SPATA6: variants seen among roughly 807,000 people sequenced by gnomAD.
SPATA6 encodes spermatogenesis associated 6.
Under a neutral mutation model 65.3 loss-of-function variants are expected in SPATA6, and 56 were observed. That is an observed-to-expected ratio of 0.86 (90% CI 0.69 to 1.07). SPATA6 has a LOEUF of 1.07. Ranked by LOEUF, SPATA6 falls within the 50% of genes least tolerant of loss-of-function variation. The pLI is 0.00. For missense variants in SPATA6, 590 were observed against 594.8 expected (o/e 0.99, Z 0.08); for synonymous variants, 199 against 213.2 (o/e 0.93, Z 0.58).
At chr1:48,429,905 G>A (rs911138540) in intron 3 of SPATA6, among the ~76,000 whole-genome samples, 22 of 152,064 alleles carry the variant, frequency 1.4e-4, no homozygotes, top group African/African-American at 5.1e-4. Flanking sequence ...ATGAATCAGT[G>A]AACTTGAAGA....
rs374605487 is a variant in SPATA6, at chr1:48,297,158, GTGTGTA to G, written c.*1549_*1554del. 2.4e-3 allele frequency: 342 copies of G among 145,404 alleles called. No individual in the cohort carries two copies. Among genetic ancestry groups the G allele is most frequent in the South Asian group, 0.018 (79 of 4,364 alleles). 9.0% of individuals were successfully genotyped at this position (145,404 alleles called of 1,614,324 possible). A position where few individuals can be genotyped will look rare whatever the true frequency, so the allele number is the denominator to read the frequency against. On this transcript the variant is annotated 3_prime_UTR_variant, in exon 13 of 13. Transcript: ENST00000371847. ...TGTGTGTGTGTGTGTGTGTGTGTGT[GTGTGTA>G]TGTGTGTAGCAAACAGATTTTCCTA...
At chr1:48,444,985 T>C (rs926570557) in intron 3 of SPATA6, among the ~76,000 whole-genome samples, 4 of 152,232 alleles carry the variant, frequency 2.6e-5, no homozygotes, top group African/African-American at 9.6e-5. Context: ...TTTAATAACA[T>C]TTTTAATTAA....
At chr1:48,470,072 AC>A (rs1335330799) in intron 1 of SPATA6, among the ~76,000 whole-genome samples, 1 of 152,204 alleles carries the variant, frequency 6.6e-6, no homozygotes, top group African/African-American at 2.4e-5. Context: ...TATTATTTCC[AC>A]CATCATAGTT....
intron 3 of SPATA6, among the ~76,000 whole-genome samples, chr1:48,451,230 T>C (rs1363126044): frequency 1.3e-5 from 2 of 152,124 alleles, no homozygotes; most frequent in African/African-American, 4.8e-5. Context: ...CAGGGGAAAA[T>C]CTCAACTAAC....
intron 12 of SPATA6, among the ~76,000 whole-genome samples, chr1:48,299,761 A>G (rs528859842): frequency 1.1e-3 from 170 of 152,198 alleles, no homozygotes; most frequent in African/African-American, 4.1e-3. Flanking sequence ...CAACACATAG[A>G]AGTTGGTAGA....
chr1:48,390,461 A>G (rs1179064262), intron 8 of SPATA6, among the ~76,000 whole-genome samples: 1 of 152,252 alleles, frequency 6.6e-6, no homozygotes, highest in East Asian at 1.9e-4. Context: ...AGGTACAAAC[A>G]TAAGATTAGA....
At chr1:48,291,016 C>T (rs566188445), downstream of SPATA6, among the ~76,000 whole-genome samples, 46 of 152,184 alleles carry the variant, frequency 3.0e-4, no homozygotes, top group Non-Finnish European at 4.6e-4. Context: ...ATCTACAGAA[C>T]TCTCCACCCC....
chr1:48,287,321 A>G, the SPATA6 span, among the ~76,000 whole-genome samples: 1 of 152,148 alleles, frequency 6.6e-6, no homozygotes, highest in Non-Finnish European at 1.5e-5. Flanking sequence ...TCCATGATCA[A>G]ATCACCTCCC....
the SPATA6 span, among the ~76,000 whole-genome samples, chr1:48,283,697 A>AAAAGAAAGAAAGAAAGAAAGAAAGAAAG: frequency 0.018 from 220 of 11,992 alleles, 29 homozygotes; most frequent in Admixed American, 0.063. Flanking sequence ...AAAAAAAAAA[A>AAAAGAAAGAAAGAAAGAAAGAAAGAAAG]AAAGAAAGAA....
chr1:48,431,541 T>G (rs894425560), intron 3 of SPATA6, among the ~76,000 whole-genome samples: 29 of 152,264 alleles, frequency 1.9e-4, no homozygotes, highest in African/African-American at 7.0e-4. Flanking sequence ...AGACCACAAA[T>G]TAAATTTTAA....
chr1:48,265,643 A>T, the SPATA6 span, among the ~76,000 whole-genome samples: 3 of 152,340 alleles, frequency 2.0e-5, no homozygotes. Context: ...GAAAGCTGTG[A>T]ATAGGTGCTA....
At chr1:48,457,078 A>T (rs1303650446) in intron 1 of SPATA6, among the ~76,000 whole-genome samples, 2 of 151,832 alleles carry the variant, frequency 1.3e-5, no homozygotes, top group African/African-American at 4.9e-5. Flanking sequence ...AGAAAAAAAA[A>T]ATTTAAAACT....
chr1:48,332,049 G>A (rs1215062317), intron 11 of SPATA6, among the ~76,000 whole-genome samples: 1 of 152,026 alleles, frequency 6.6e-6, no homozygotes, highest in South Asian at 2.1e-4. Flanking sequence ...TTGTTAACAC[G>A]AGACCTACCT....
intron 3 of SPATA6, among the ~76,000 whole-genome samples, chr1:48,448,275 A>AG (rs1012210400): frequency 6.7e-6 from 1 of 150,328 alleles, no homozygotes; most frequent in Non-Finnish European, 1.5e-5. Flanking sequence ...AAAAAAAAAA[A>AG]GGAGAAGCTG....
chr1:48,301,728 A>C (rs1201600778), intron 12 of SPATA6, among the ~76,000 whole-genome samples: 1 of 152,182 alleles, frequency 6.6e-6, no homozygotes, highest in East Asian at 1.9e-4. Context: ...AAATCCACAC[A>C]TTTACAGTAA....
intron 3 of SPATA6, among the ~76,000 whole-genome samples, chr1:48,447,549 G>T (rs186659212): frequency 1.8e-4 from 28 of 152,168 alleles, no homozygotes; most frequent in Middle Eastern, 3.4e-3. Flanking sequence ...ATGAATTTTC[G>T]ATTACATGGG....
rs1292986615 is a variant in SPATA6, at chr1:48,315,750, G to C, written c.1195-9872C>G. On this transcript the variant is annotated intron_variant, in intron 11 of 12. Coordinates refer to ENST00000371847, the MANE Select transcript of SPATA6 (RefSeq NM_019073.4). ...AATTAGGAAAAGAGGAAGTCAAATT[G>C]TCCCTGTTTGCAGCTGACATGATTG... is the stretch of plus-strand genomic sequence containing the variant. Among the ~76,000 whole-genome samples the C allele has an allele frequency of 2.6e-5, 4 of 152,144 alleles. No individual in the cohort carries two copies. In the East Asian group the frequency reaches 7.7e-4, roughly 29 times the overall value.
intron 11 of SPATA6, among the ~76,000 whole-genome samples, chr1:48,312,970 C>T (rs1338292626): frequency 6.6e-6 from 1 of 151,708 alleles, no homozygotes. Flanking sequence ...AAATGAATGA[C>T]ATGAAGCGAG....
intron 3 of SPATA6, chr1:48,437,154 T>A: frequency 1.2e-6 from 2 of 1,605,646 alleles, no homozygotes; most frequent in African/African-American, 1.3e-5. Flanking sequence ...TACCATTGCC[T>A]CCAGTGTTAC....
Sources: gnomAD v4.1 joint callset for allele counts (sites outside exome capture counted in the v4.1 genomes callset) on GRCh38, gnomAD v4.1.1 for gene constraint, MANE v1.5 for transcripts, NCBI Gene and HGNC (gene_info 2026-07-23, HGNC 2026-07-21) for gene names.